The following MTSS1 variants were observed in gnomAD, a reference collection of about 807,000 sequenced individuals.
MTSS1 encodes the protein MTSS I-BAR domain containing 1, also known as protein MTSS 1.
A neutral mutation model predicts 79.0 loss-of-function variants in MTSS1; 18 were observed. That is an observed-to-expected ratio of 0.23 (90% CI 0.16 to 0.34). The LOEUF is 0.34. Among genes scored for constraint, MTSS1 ranks in the 10% least tolerant of loss-of-function variants. The pLI is 1.00. For missense variants in MTSS1, 815 were observed against 986.2 expected, an observed-to-expected ratio of 0.83 and a Z score of 2.33; for synonymous variants, 341 against 368.6, an observed-to-expected ratio of 0.93 and a Z score of 0.86.
chr8:124,644,797 T>C (rs117110670), intron 3 of MTSS1, among the ~76,000 whole-genome samples: 1 of 149,942 alleles, frequency 6.7e-6, no homozygotes, highest in East Asian at 2.0e-4. Context: ...CAAATGGACA[T>C]GGAGAAACCT....
intron 3 of MTSS1, among the ~76,000 whole-genome samples, chr8:124,684,659 C>T (rs1011096114): frequency 5.3e-5 from 8 of 152,128 alleles, no homozygotes; most frequent in Admixed American, 2.6e-4. Context: ...CAGATACCAC[C>T]GGGTTCCATC....
intron 3 of MTSS1, among the ~76,000 whole-genome samples, chr8:124,642,680 C>T (rs926595686): frequency 1.3e-5 from 2 of 152,090 alleles, no homozygotes; most frequent in Admixed American, 6.5e-5. Flanking sequence ...GCAACCTCTG[C>T]CTCCCGGGTT....
At chr8:124,566,886 A>T (rs1826608792) in intron 8 of MTSS1, among the ~76,000 whole-genome samples, 185 bp downstream of exon 8, 1 of 152,248 alleles carries the variant, frequency 6.6e-6, no homozygotes, top group South Asian at 2.1e-4. Flanking sequence ...AGAGCTTGGG[A>T]CAGTGCCTGA....
chr8:124,575,495 T>C (rs1234405273), intron 6 of MTSS1, among the ~76,000 whole-genome samples: 1 of 152,186 alleles, frequency 6.6e-6, no homozygotes, highest in African/African-American at 2.4e-5. Flanking sequence ...CACTATCAGC[T>C]GCCACCACAG....
rs1050985558 is a variant in MTSS1, at chr8:124,727,670, GAC to G, written c.72+212_72+213del. On this transcript the variant is annotated intron_variant, in intron 1 of 13. Transcript: ENST00000518547. The surrounding 1 kb of genome is among the most constrained non-coding windows in gnomAD (Gnocchi z 4.7). ...GCGGGGGAGATGGCGTGGGACAGCAGACACCCCCCAGAGAAGCCACCCGCCCA... is the reference window on the plus strand; with the variant it reads ...GCGGGGGAGATGGCGTGGGACAGCAGACCCCCCAGAGAAGCCACCCGCCCA... 24 of 669,192 alleles carry G rather than the reference GAC, an allele frequency of 3.6e-5. No individual in the cohort carries two copies. In the African/African-American group the frequency reaches 4.1e-4, roughly 11 times the overall value. The allele number at this position is 669,192 out of a possible 1,614,324, so 41.5% of individuals were successfully genotyped here.
At chr8:124,657,489 AAAG>A (rs1469275986) in intron 3 of MTSS1, among the ~76,000 whole-genome samples, 387 of 152,036 alleles carry the variant, frequency 2.5e-3, no homozygotes, top group Non-Finnish European at 4.4e-3. Flanking sequence ...AAAAAAAAAA[AAAG>A]AAGAGGACAC....
intron 3 of MTSS1, among the ~76,000 whole-genome samples, chr8:124,630,550 C>T (rs555269799): frequency 1.7e-3 from 257 of 152,314 alleles, no homozygotes; most frequent in African/African-American, 6.0e-3. Context: ...TAACAAGGCT[C>T]CAGGCCATTC....
At position 124,562,923 on chromosome 8, in the gene MTSS1, A is replaced by C; in HGVS notation, c.894T>G (p.His298Gln). Reference protein sequence around the residue: ...SGSHSHSPSSHYRYRSSNLAQ... With the variant: ...SGSHSHSPSSQYRYRSSNLAQ... The stretch of plus-strand genomic sequence containing the variant: ...CCAGGTTGGAGCTGCGGTAGCGGTA[A>C]TGTGAGCTGGGGGAATGCGAGTGGG... The change falls in exon 10 of 14, where the codon CAT becomes CAG. Residue 298 changes from histidine (H) to glutamine (Q), a missense_variant. By Grantham distance (24) the His-to-Gln change is conservative. Around this residue, in one of 2 missense-constraint regions of MTSS1, gnomAD observed 590 missense variants for 620.8 expected, o/e 0.95. Coordinates refer to ENST00000518547, the MANE Select transcript of MTSS1 (RefSeq NM_014751.6). The C allele has an allele frequency of 6.2e-7, 1 of 1,613,820 alleles. No homozygotes were observed. Among genetic ancestry groups the C allele is most frequent in the Non-Finnish European group, 8.5e-7 (1 of 1,179,868 alleles).
intron 3 of MTSS1, among the ~76,000 whole-genome samples, chr8:124,651,133 C>T (rs533373278): frequency 6.6e-6 from 1 of 152,186 alleles, no homozygotes; most frequent in South Asian, 2.1e-4. Context: ...TTTGTCTTCT[C>T]GTGTGTACTG....
intron 3 of MTSS1, among the ~76,000 whole-genome samples, chr8:124,650,307 G>A (rs1238938870): frequency 6.6e-6 from 1 of 152,132 alleles, no homozygotes; most frequent in Non-Finnish European, 1.5e-5. Context: ...GGGATTGCAG[G>A]CGTGAGCCAC....
intron 3 of MTSS1, among the ~76,000 whole-genome samples, chr8:124,670,371 G>GGGCGGCACCCTACACAGCCT (rs1823905506): frequency 7.3e-6 from 1 of 137,502 alleles, no homozygotes; most frequent in Non-Finnish European, 1.6e-5. Flanking sequence ...ACACTCAGGC[G>GGGCGGCACCCTACACAGCCT]GGCGGCACCC....
At chr8:124,557,522 TCC>T (rs574523730) in intron 11 of MTSS1, among the ~76,000 whole-genome samples, 157 bp downstream of exon 11, 166 of 152,050 alleles carry the variant, frequency 1.1e-3, no homozygotes, top group African/African-American at 3.9e-3. Context: ...TTTCTGCTTC[TCC>T]CCCAATGGGA....
intron 6 of MTSS1, among the ~76,000 whole-genome samples, chr8:124,570,261 T>C (rs762397995): frequency 2.0e-5 from 3 of 152,204 alleles, no homozygotes; most frequent in Non-Finnish European, 4.4e-5. Flanking sequence ...AAATACAGTA[T>C]GGACAGCTTT....
intron 1 of MTSS1, among the ~76,000 whole-genome samples, chr8:124,714,773 GTTC>G (rs1564043834): frequency 6.6e-6 from 1 of 152,036 alleles, no homozygotes; most frequent in Non-Finnish European, 1.5e-5. Context: ...AGCCTGCCCA[GTTC>G]TTTTTAAAAT....
chr8:124,618,619 T>G (rs1812866768), intron 3 of MTSS1, among the ~76,000 whole-genome samples: 2 of 152,330 alleles, frequency 1.3e-5, no homozygotes, highest in South Asian at 4.1e-4. Context: ...CTCAGAGTCA[T>G]TCTTTCCAAT....
rs1563758680 is a variant in MTSS1, at chr8:124,564,722, C to CACACACACACACACACACACTT, written c.824+939_824+940insAAGTGTGTGTGTGTGTGTGTGT. ...ACACACACACACACACACACACAGT[C>CACACACACACACACACACACTT]GACAGAAGATAAGAAACAAACCAAT... On this transcript the variant is annotated intron_variant, in intron 9 of 13. Coordinates refer to ENST00000518547, the MANE Select transcript of MTSS1 (RefSeq NM_014751.6). 1.5e-4 allele frequency: 23 copies of CACACACACACACACACACACTT among 150,832 alleles called. 1 individual carries two copies. The highest frequency in any genetic ancestry group is 1.3e-3 in the Admixed American group (19 of 15,144). The allele number at this position is 150,832 out of a possible 1,614,324, so 9.3% of individuals were successfully genotyped here. A position where few individuals can be genotyped will look rare whatever the true frequency, so the allele number is the denominator to read the frequency against.
At chr8:124,647,041 G>A (rs1286057684) in intron 3 of MTSS1, among the ~76,000 whole-genome samples, 1 of 152,036 alleles carries the variant, frequency 6.6e-6, no homozygotes, top group Non-Finnish European at 1.5e-5. Context: ...GTAGAGATGG[G>A]GTCTCACTAT....
At chr8:124,590,697 G>A (rs1210499116) in intron 4 of MTSS1, among the ~76,000 whole-genome samples, 3 of 152,176 alleles carry the variant, frequency 2.0e-5, no homozygotes. Flanking sequence ...TCCCTATTCT[G>A]GATGCCTGGA....
chr8:124,596,639 A>G (rs1198489035), intron 3 of MTSS1, among the ~76,000 whole-genome samples: 1 of 152,214 alleles, frequency 6.6e-6, no homozygotes, highest in South Asian at 2.1e-4. Context: ...AAAGCAACCC[A>G]AACTGGCTGG....
Sources: allele counts gnomAD v4.1 joint callset (sites outside exome capture counted in the v4.1 genomes callset), GRCh38; gene constraint gnomAD v4.1.1; regional missense constraint gnomAD v4.1.1; non-coding constraint Gnocchi (gnomAD v3.1); transcripts MANE v1.5; gene names NCBI Gene and HGNC (gene_info 2026-07-23, HGNC 2026-07-21).